The following ARSB variants were observed in gnomAD, a reference collection of about 807,000 sequenced individuals.
ARSB encodes the protein arylsulfatase B, also known as N-acetylgalactosamine-4-sulfatase.
Under a neutral mutation model 50.9 loss-of-function variants are expected in ARSB, and 41 were observed. The ratio of observed to expected loss-of-function variants is 0.81; its 90% confidence interval spans 0.63 to 1.04. The LOEUF is 1.04. Among genes scored for constraint, ARSB ranks in the 50% least tolerant of loss-of-function variants. The probability of loss-of-function intolerance (pLI) is 0.00; values close to 1 mark genes in which losing one functional copy is unlikely to be tolerated. For synonymous variants in ARSB, 269 were observed against 284.8 expected, an observed-to-expected ratio of 0.94 and a Z score of 0.56; for missense variants, 672 against 693.3, an observed-to-expected ratio of 0.97 and a Z score of 0.35.
At chr5:78,809,486 G>C (rs1208894382) in intron 6 of ARSB, among the ~76,000 whole-genome samples, 2 of 152,254 alleles carry the variant, frequency 1.3e-5, no homozygotes, top group Non-Finnish European at 2.9e-5. Context: ...GAGCTAAAAA[G>C]AGTGAGGAAC....
At chr5:78,933,198 G>GT (rs1432031392) in intron 4 of ARSB, among the ~76,000 whole-genome samples, 4 of 152,192 alleles carry the variant, frequency 2.6e-5, no homozygotes, top group Non-Finnish European at 4.4e-5. Flanking sequence ...TACCGAAAAA[G>GT]TATTAATGCA....
chr5:78,903,118 C>T (rs1369927428), intron 4 of ARSB, among the ~76,000 whole-genome samples: 1 of 151,944 alleles, frequency 6.6e-6, no homozygotes, highest in Non-Finnish European at 1.5e-5. Context: ...TAATGGTGTA[C>T]CAGGGAGCAA....
chr5:78,828,679 G>A (rs1487880044), intron 6 of ARSB, among the ~76,000 whole-genome samples: 1 of 152,106 alleles, frequency 6.6e-6, no homozygotes, highest in Non-Finnish European at 1.5e-5. Flanking sequence ...GGTTATAAGC[G>A]ACTTGTTGTA....
intron 4 of ARSB, among the ~76,000 whole-genome samples, chr5:78,908,731 CT>C (rs34571367): frequency 9.7e-4 from 136 of 140,344 alleles, no homozygotes; most frequent in East Asian, 1.0e-3. Flanking sequence ...CTGGCCAAGA[CT>C]TTTTTTTTTT....
At chr5:78,800,035 C>A (rs571005876) in intron 6 of ARSB, among the ~76,000 whole-genome samples, 1 of 152,134 alleles carries the variant, frequency 6.6e-6, no homozygotes, top group East Asian at 1.9e-4. Flanking sequence ...AGCAAAGTAG[C>A]GGCCAGTCGC....
chr5:78,887,566 T>C (rs1449216872), intron 4 of ARSB, among the ~76,000 whole-genome samples: 1 of 152,254 alleles, frequency 6.6e-6, no homozygotes, highest in Non-Finnish European at 1.5e-5. Flanking sequence ...CTTATGATCT[T>C]TTCTTGGCAG....
intron 5 of ARSB, among the ~76,000 whole-genome samples, chr5:78,869,968 A>C (rs886223723): frequency 3.3e-5 from 5 of 150,622 alleles, no homozygotes; most frequent in African/African-American, 1.2e-4. Flanking sequence ...ACAATAAAAA[A>C]TGATAAAGGG....
intron 4 of ARSB, among the ~76,000 whole-genome samples, chr5:78,940,585 A>T (rs184713915): frequency 6.6e-6 from 1 of 152,326 alleles, no homozygotes; most frequent in Non-Finnish European, 1.5e-5. Flanking sequence ...GTCAAAGATC[A>T]GATAGTTAAA....
At chr5:78,972,409 A>G (rs1223265755) in intron 1 of ARSB, among the ~76,000 whole-genome samples, 1 of 151,918 alleles carries the variant, frequency 6.6e-6, no homozygotes, top group Non-Finnish European at 1.5e-5. Context: ...ACCCTCCCTA[A>G]TTTGAATGTG....
At chr5:78,835,728 G>C (rs1412950759) in intron 6 of ARSB, among the ~76,000 whole-genome samples, 2 of 151,366 alleles carry the variant, frequency 1.3e-5, no homozygotes, top group Non-Finnish European at 2.9e-5. Flanking sequence ...AAGCAGCTTT[G>C]CTCCTTTGAG....
At chr5:78,872,548 C>G (rs1367477160) in intron 5 of ARSB, among the ~76,000 whole-genome samples, 1 of 136,898 alleles carries the variant, frequency 7.3e-6, no homozygotes, top group African/African-American at 2.7e-5. Context: ...CCATCATTCT[C>G]AGTAAACTAT....
At chr5:78,885,274 C>A (rs2112208970) in intron 5 of ARSB, 1 of 415,796 alleles carries the variant, frequency 2.4e-6, no homozygotes, top group East Asian at 3.6e-5. Flanking sequence ...GTTCCCTGAC[C>A]CCCTGCAGGA....
chr5:78,972,795 T>A (rs988987784), intron 1 of ARSB, among the ~76,000 whole-genome samples: 1 of 152,118 alleles, frequency 6.6e-6, no homozygotes, highest in African/African-American at 2.4e-5. Flanking sequence ...TGCCAAGAGA[T>A]GTTGTGTGAT....
intron 6 of ARSB, among the ~76,000 whole-genome samples, chr5:78,817,451 T>C (rs1410289863): frequency 1.5e-5 from 1 of 66,774 alleles, no homozygotes; most frequent in African/African-American, 6.1e-5. Context: ...TACAGTCAGG[T>C]CTGGGGCAAT....
At chr5:78,812,553 C>T (rs1399464345) in intron 6 of ARSB, among the ~76,000 whole-genome samples, 1 of 150,388 alleles carries the variant, frequency 6.6e-6, no homozygotes, top group Non-Finnish European at 1.5e-5. Context: ...TGTATTATCA[C>T]ATTATTATAG....
chr5:78,793,655 T>C (rs1743066469), intron 6 of ARSB, among the ~76,000 whole-genome samples: 1 of 152,170 alleles, frequency 6.6e-6, no homozygotes, highest in Non-Finnish European at 1.5e-5. Flanking sequence ...ATTTACTTCG[T>C]CAACAAATAC....
At chr5:78,798,386 T>TAA (rs34346174) in intron 6 of ARSB, among the ~76,000 whole-genome samples, 15 of 120,706 alleles carry the variant, frequency 1.2e-4, no homozygotes, top group African/African-American at 3.0e-4. Flanking sequence ...GCATTGTGTG[T>TAA]AAAAAAAAAA....
At chr5:78,850,737 G>T (rs56157858) in intron 5 of ARSB, among the ~76,000 whole-genome samples, 21,225 of 152,124 alleles carry the variant, frequency 0.14, 1,543 homozygotes, top group Middle Eastern at 0.2. Flanking sequence ...CAATTTCAGA[G>T]CCTGTTATTG....
At chr5:78,934,913 A>G (rs1008578789) in intron 4 of ARSB, among the ~76,000 whole-genome samples, 17 of 152,148 alleles carry the variant, frequency 1.1e-4, no homozygotes, top group African/African-American at 3.9e-4. Context: ...ATAATAATAC[A>G]TGGCAAATAG....
Sources: gnomAD v4.1 joint callset for allele counts (sites outside exome capture counted in the v4.1 genomes callset) on GRCh38, gnomAD v4.1.1 for gene constraint, MANE v1.5 for transcripts, NCBI Gene and HGNC (gene_info 2026-07-23, HGNC 2026-07-21) for gene names.